KCNH8: variants seen among roughly 807,000 people sequenced by gnomAD.
KCNH8 encodes the protein potassium voltage-gated channel subfamily H member 8, also known as voltage-gated delayed rectifier potassium channel KCNH8.
In KCNH8, 70 loss-of-function variants were observed where a neutral mutation model predicts 103.6. The observed-to-expected ratio is 0.68, with a 90% CI of 0.56 to 0.82. The LOEUF is 0.82. Among genes scored for constraint, KCNH8 ranks in the 40% least tolerant of loss-of-function variants. The pLI, the probability that KCNH8 is intolerant of heterozygous loss-of-function variation, is 0.00. For synonymous variants in KCNH8, 498 were observed against 489.4 expected (o/e 1.02, Z -0.23); for missense variants, 1,217 against 1,329.9 (o/e 0.92, Z 1.32).
At chr3:19,419,121 G>A (rs1213682749) in intron 7 of KCNH8, among the ~76,000 whole-genome samples, 1 of 150,924 alleles carries the variant, frequency 6.6e-6, no homozygotes, top group Non-Finnish European at 1.5e-5. Context: ...CATCATGCAT[G>A]TGTATGTGGC....
chr3:19,462,019 A>G (rs1241951443), intron 11 of KCNH8, among the ~76,000 whole-genome samples: 1 of 151,980 alleles, frequency 6.6e-6, no homozygotes, highest in Non-Finnish European at 1.5e-5. Flanking sequence ...TATGTGCCAC[A>G]TTTTCTTAAT....
At chr3:19,283,763 A>G (rs1289327630) in intron 3 of KCNH8, among the ~76,000 whole-genome samples, 3 of 151,678 alleles carry the variant, frequency 2.0e-5, no homozygotes, top group Non-Finnish European at 4.4e-5. Flanking sequence ...CAAAAAAAAT[A>G]TAATAATAAA....
At chr3:19,398,699 C>G (rs1188752840) in intron 7 of KCNH8, among the ~76,000 whole-genome samples, 2 of 151,884 alleles carry the variant, frequency 1.3e-5, no homozygotes, top group African/African-American at 4.8e-5. Flanking sequence ...TAGTGCCAAC[C>G]TCAGTGGGGT....
At chr3:19,355,573 G>T (rs2125325617) in intron 5 of KCNH8, among the ~76,000 whole-genome samples, 1 of 152,264 alleles carries the variant, frequency 6.6e-6, no homozygotes, top group Middle Eastern at 3.4e-3. Flanking sequence ...ATGAGTTCAT[G>T]TCCTTTGTAG....
chr3:19,499,205 A>G (rs2068519075), intron 11 of KCNH8, among the ~76,000 whole-genome samples: 1 of 152,194 alleles, frequency 6.6e-6, no homozygotes, highest in Non-Finnish European at 1.5e-5. Context: ...AGAAGATGAA[A>G]TGAATGAAAT....
chr3:19,508,127 C>A (rs376935704), intron 11 of KCNH8, among the ~76,000 whole-genome samples: 32 of 152,246 alleles, frequency 2.1e-4, no homozygotes, highest in African/African-American at 7.5e-4. Flanking sequence ...TTTTGATGTG[C>A]TGCTGGATTC....
chr3:19,179,265 G>A (rs2063429102), intron 1 of KCNH8, among the ~76,000 whole-genome samples: 1 of 151,946 alleles, frequency 6.6e-6, no homozygotes, highest in African/African-American at 2.4e-5. Flanking sequence ...TACCATATAT[G>A]AATTATCCAT....
At chr3:19,269,326 T>C (rs1238844909) in intron 2 of KCNH8, among the ~76,000 whole-genome samples, 1 of 152,084 alleles carries the variant, frequency 6.6e-6, no homozygotes, top group Non-Finnish European at 1.5e-5. Flanking sequence ...CCCCAAATTA[T>C]CTTTTGAAAC....
rs186545562 is a variant in KCNH8 at position 19,530,679 on chromosome 3, C to T, written c.2620-2716C>T. Among the ~76,000 whole-genome samples, 288 of 152,282 alleles carry T rather than the reference C, an allele frequency of 1.9e-3. 4 individuals are homozygous for T. The highest frequency in any genetic ancestry group is 6.0e-4 in the Non-Finnish European group (41 of 68,014). ...TTTACTTAATGTTGAATTAACATTTCACCCAGCTTTTTACTCATGAGGCTA... is the reference window on the plus strand; with the variant it reads ...TTTACTTAATGTTGAATTAACATTTTACCCAGCTTTTTACTCATGAGGCTA... On this transcript the variant is annotated intron_variant, in intron 15 of 15. Transcript: ENST00000328405.
rs144860755 is a variant in KCNH8 at position 19,188,357 on chromosome 3, C to A, written c.76+39562C>A. Among the ~76,000 whole-genome samples the A allele has an allele frequency of 4.6e-3, 698 of 152,050 alleles. 5 individuals are homozygous for A. The highest frequency in any genetic ancestry group is 0.016 in the African/African-American group (656 of 41,476). ...CAGAGAGTAAATAGTCTAGCTTTTGCGGGCCATAGAATTCCATCATAACCA... is the reference window on the plus strand; with the variant it reads ...CAGAGAGTAAATAGTCTAGCTTTTGAGGGCCATAGAATTCCATCATAACCA... On this transcript the variant is annotated intron_variant, in intron 1 of 15. Coordinates refer to ENST00000328405, the MANE Select transcript of KCNH8 (RefSeq NM_144633.3).
chr3:19,491,812 T>C (rs1331186437), intron 11 of KCNH8, among the ~76,000 whole-genome samples: 1 of 152,190 alleles, frequency 6.6e-6, no homozygotes, highest in African/African-American at 2.4e-5. Context: ...CAGCTTTTCC[T>C]TTTCTCCACA....
chr3:19,474,677 T>C (rs1339632056), intron 11 of KCNH8, among the ~76,000 whole-genome samples: 3 of 152,218 alleles, frequency 2.0e-5, no homozygotes, highest in Non-Finnish European at 4.4e-5. Context: ...GATATGAATG[T>C]ATACAACATA....
intron 11 of KCNH8, among the ~76,000 whole-genome samples, chr3:19,468,378 A>G (rs940823571): frequency 2.6e-5 from 4 of 152,250 alleles, no homozygotes; most frequent in African/African-American, 9.6e-5. Context: ...CTCTATGGCC[A>G]GTAAGTAGAG....
At chr3:19,449,312 A>ATG (rs1183694352) in intron 8 of KCNH8, among the ~76,000 whole-genome samples, 1 of 148,566 alleles carries the variant, frequency 6.7e-6, no homozygotes, top group Non-Finnish European at 1.5e-5. Context: ...ATATATATAT[A>ATG]TATATACCCT....
chr3:19,380,723 A>T (rs2066277061), intron 5 of KCNH8, among the ~76,000 whole-genome samples: 2 of 152,240 alleles, frequency 1.3e-5, no homozygotes, highest in African/African-American at 4.8e-5. Context: ...TAGAGTGAAG[A>T]GCACTCAGTG....
chr3:19,154,985 G>A (rs7613079), intron 1 of KCNH8, among the ~76,000 whole-genome samples: 8,993 of 152,186 alleles, frequency 0.059, 832 homozygotes, highest in African/African-American at 0.2. Flanking sequence ...GTTCATATTT[G>A]GCAACTGGAG....
chr3:19,425,454 C>T (rs1388844003), intron 7 of KCNH8, among the ~76,000 whole-genome samples: 1 of 152,130 alleles, frequency 6.6e-6, no homozygotes, highest in African/African-American at 2.4e-5. Context: ...CACACAACAA[C>T]CTGAACATTG....
At chr3:19,445,140 AAG>A (rs1423772709) in intron 8 of KCNH8, among the ~76,000 whole-genome samples, 1 of 152,046 alleles carries the variant, frequency 6.6e-6, no homozygotes, top group Non-Finnish European at 1.5e-5. Context: ...ATACACTAAT[AAG>A]AGTAAATGAA....
intron 3 of KCNH8, among the ~76,000 whole-genome samples, chr3:19,304,960 A>T (rs1172681074): frequency 2.6e-5 from 4 of 151,946 alleles, no homozygotes; most frequent in Non-Finnish European, 5.9e-5. Context: ...ACCAAAAATT[A>T]AAAAAAATAG....
Sources: gnomAD v4.1 joint callset for allele counts (sites outside exome capture counted in the v4.1 genomes callset) on GRCh38, gnomAD v4.1.1 for gene constraint, MANE v1.5 for transcripts, NCBI Gene and HGNC (gene_info 2026-07-23, HGNC 2026-07-21) for gene names.